LAMC2: variants seen among roughly 807,000 people sequenced by gnomAD.
LAMC2 encodes the protein laminin subunit gamma-2.
Under a neutral mutation model 140.2 loss-of-function variants are expected in LAMC2, and 97 were observed. That is an observed-to-expected ratio of 0.69 (90% CI 0.59 to 0.82). The LOEUF (loss-of-function observed/expected upper bound fraction) is 0.82, where lower values mean the gene tolerates loss of function less well. LAMC2 is among the 40% of genes least tolerant of loss of function. LAMC2 has a pLI of 0.00. For missense variants in LAMC2, 1,402 were observed against 1,476.1 expected, an observed-to-expected ratio of 0.95 and a Z score of 0.82; for synonymous variants, 513 against 540.2, an observed-to-expected ratio of 0.95 and a Z score of 0.70.
downstream of LAMC2, among the ~76,000 whole-genome samples, chr1:183,245,828 C>T (rs1021351647): frequency 2.6e-5 from 4 of 152,112 alleles, no homozygotes; most frequent in Non-Finnish European, 5.9e-5. Context: ...TTAATAACCA[C>T]GGTATGTGTA....
rs1311384541 is a variant in LAMC2, at chr1:183,227,518, A to T, written c.1289A>T (p.Asp430Val). ...GGGACDPDTG[D>V]CYSGDENPDI... Reference sequence around the variant, plus strand: ...TCCACTCTTCTCCTACCCCCAGGAGATTGTTATTCAGGGGATGAGAATCCT... The same window carrying T: ...TCCACTCTTCTCCTACCCCCAGGAGTTTGTTATTCAGGGGATGAGAATCCT... Residue 430 changes from aspartate (D) to valine (V), a missense_variant, in exon 10 of 23, where the codon GAT (aspartate) becomes GTT (valine). Physicochemically the swap from Asp to Val is radical, Grantham distance 152. This residue lies in a region of LAMC2 where 723 missense variants were observed against 783.3 expected (regional missense o/e 0.92). Transcript: ENST00000264144. The T allele has an allele frequency of 1.2e-6, 2 of 1,613,824 alleles. No homozygotes were observed. Among genetic ancestry groups the T allele is most frequent in the Non-Finnish European group, 1.7e-6 (2 of 1,179,840 alleles).
intron 17 of LAMC2, 107 bp from the exon 18 acceptor site, chr1:183,237,245 C>T (rs1177602020): frequency 1.5e-6 from 2 of 1,293,174 alleles, no homozygotes; most frequent in African/African-American, 2.9e-5. Context: ...ATTTTCTTGG[C>T]TTCTTAAGGC....
chr1:183,252,471 T>G, the LAMC2 span: 1 of 478,354 alleles, frequency 2.1e-6, no homozygotes. Context: ...AAGATGACTG[T>G]GGAATAGGGA....
intron 1 of LAMC2, among the ~76,000 whole-genome samples, chr1:183,200,794 T>C (rs1658682923): frequency 6.6e-6 from 1 of 151,812 alleles, no homozygotes; most frequent in South Asian, 2.1e-4. Flanking sequence ...TGAGTGTGGG[T>C]GGTAGTGGGC....
chr1:183,186,469 G>C (rs761361244), intron 1 of LAMC2, 38 bp downstream of exon 1: 1 of 1,595,736 alleles, frequency 6.3e-7, no homozygotes, highest in African/African-American at 1.3e-5. Flanking sequence ...TCAGCCCTGG[G>C]CTGAGAATCT....
At chr1:183,225,582 A>T in intron 7 of LAMC2, 26 bp from the exon 8 acceptor site, 1 of 1,492,056 alleles carries the variant, frequency 6.7e-7, no homozygotes, top group Non-Finnish European at 9.4e-7. Flanking sequence ...TCGGATTTTT[A>T]AAGCTTTTGA....
intron 1 of LAMC2, among the ~76,000 whole-genome samples, chr1:183,196,015 A>G (rs1571501171): frequency 6.6e-6 from 1 of 152,350 alleles, no homozygotes; most frequent in East Asian, 1.9e-4. Context: ...GATTTTTGCA[A>G]AGAGGATCAT....
intron 1 of LAMC2, among the ~76,000 whole-genome samples, chr1:183,194,784 T>A (rs1658462754): frequency 6.6e-6 from 1 of 152,232 alleles, no homozygotes; most frequent in Non-Finnish European, 1.5e-5. Flanking sequence ...GCAAGAAATG[T>A]CCAGAGAACA....
intron 8 of LAMC2, among the ~76,000 whole-genome samples, chr1:183,226,225 C>T (rs1211356293): frequency 6.7e-6 from 1 of 150,310 alleles, no homozygotes; most frequent in Non-Finnish European, 1.5e-5. Flanking sequence ...AGCTTTTCTG[C>T]ACTCACTCAC....
chr1:183,231,673 T>C (rs1185559245), intron 12 of LAMC2, among the ~76,000 whole-genome samples: 1 of 152,258 alleles, frequency 6.6e-6, no homozygotes, highest in Non-Finnish European at 1.5e-5. Flanking sequence ...AGAATGAACT[T>C]GATGTTCTTG....
chr1:183,198,379 A>G (rs889353793), intron 1 of LAMC2, among the ~76,000 whole-genome samples: 10 of 152,010 alleles, frequency 6.6e-5, no homozygotes, highest in African/African-American at 2.2e-4. Flanking sequence ...TCCTGACCTC[A>G]TGATCTGCCC....
intron 1 of LAMC2, among the ~76,000 whole-genome samples, chr1:183,190,898 C>T (rs949082859): frequency 6.6e-6 from 1 of 152,164 alleles, no homozygotes; most frequent in Non-Finnish European, 1.5e-5. Context: ...GAAAGTACAT[C>T]ATTTTCAAAA....
In LAMC2 at chr1:183,240,064, G is replaced by A. The variant is rs1660083654; in HGVS notation, c.3094G>A (p.Ala1032Thr). Reference protein sequence around the residue: ...EQEIGSLNLEANVTADGALAM... With the variant: ...EQEIGSLNLETNVTADGALAM... ...GGAGATTGGGAGTCTGAACTTGGAA[G>A]CCAATGTGACAGCAGATGGAGCCTT... The change falls in exon 21 of 23, where the codon GCC becomes ACC. Residue 1032 changes from alanine to threonine, a missense_variant. Physicochemically the swap from Ala to Thr is moderately conservative, Grantham distance 58. Around this residue, in one of 3 missense-constraint regions of LAMC2, gnomAD observed 670 missense variants for 667.2 expected, o/e 1.00. Transcript: ENST00000264144. 16 of 1,614,142 alleles carry A rather than the reference G, an allele frequency of 9.9e-6. No homozygotes were observed. The highest frequency in any genetic ancestry group is 1.4e-5 in the Non-Finnish European group (16 of 1,180,034).
intron 1 of LAMC2, among the ~76,000 whole-genome samples, chr1:183,189,735 T>G (rs79332610): frequency 0.027 from 4,121 of 152,220 alleles, 183 homozygotes; most frequent in African/African-American, 0.094. Context: ...AAGAGGGTTT[T>G]GTTAGTCAAA....
At chr1:183,206,915 C>G (rs1455339124) in intron 1 of LAMC2, among the ~76,000 whole-genome samples, 1 of 152,184 alleles carries the variant, frequency 6.6e-6, no homozygotes, top group African/African-American at 2.4e-5. Flanking sequence ...TTCACCTTTC[C>G]GAGCTGCATG....
downstream of LAMC2, among the ~76,000 whole-genome samples, chr1:183,246,236 A>G (rs1163647200): frequency 6.6e-6 from 1 of 151,566 alleles, no homozygotes. Context: ...ACCTGAGGAG[A>G]GATGGGGAGT....
intron 3 of LAMC2, among the ~76,000 whole-genome samples, chr1:183,216,689 T>C (rs1453215076): frequency 1.3e-5 from 2 of 152,170 alleles, no homozygotes; most frequent in Non-Finnish European, 2.9e-5. Context: ...CCCACCCCTC[T>C]GTGTTCTCAC....
At chr1:183,218,716 CCT>C (rs544289658) in intron 4 of LAMC2, among the ~76,000 whole-genome samples, 32 of 152,222 alleles carry the variant, frequency 2.1e-4, no homozygotes, top group Admixed American at 1.8e-3. Flanking sequence ...CTCTGGGCAC[CCT>C]CTCTTTATTT....
intron 22 of LAMC2, 30 bp from the exon 23 acceptor site, chr1:183,243,117 T>C (rs1660170433): frequency 3.1e-6 from 5 of 1,613,666 alleles, no homozygotes; most frequent in African/African-American, 2.7e-5. Context: ...AGCTTTTCTA[T>C]GTTAACTTGT....
Sources: allele counts gnomAD v4.1 joint callset (sites outside exome capture counted in the v4.1 genomes callset), GRCh38; gene constraint gnomAD v4.1.1; regional missense constraint gnomAD v4.1.1; transcripts MANE v1.5; gene names NCBI Gene and HGNC (gene_info 2026-07-23, HGNC 2026-07-21).